The following BPTF variants were observed in gnomAD, a reference collection of about 807,000 sequenced individuals.
The protein encoded by BPTF is nucleosome-remodeling factor subunit BPTF.
BPTF carries 18 observed loss-of-function variants against 292.5 expected under a neutral mutation model. The ratio of observed to expected loss-of-function variants is 0.06; its 90% CI spans 0.04 to 0.09. BPTF has a LOEUF of 0.09. Ranked by LOEUF, BPTF falls within the 10% of genes least tolerant of loss-of-function variation. The pLI is 1.00. For missense variants in BPTF, 2,726 were observed against 3,498.7 expected, an observed-to-expected ratio of 0.78 and a Z score of 5.57; for synonymous variants, 1,225 against 1,251.9, an observed-to-expected ratio of 0.98 and a Z score of 0.45.
In BPTF at chr17:67,883,449, A is replaced by G. The variant is rs147659005; in HGVS notation, c.1865-8395A>G. 3.3e-3 allele frequency among the ~76,000 whole-genome samples: 473 copies of G among 143,372 alleles called. 4 individuals are homozygous for G. The highest frequency in any genetic ancestry group is 0.011 in the African/African-American group (442 of 40,738). The allele number at this position is 143,372 out of a possible 152,430, so 94.1% of individuals were successfully genotyped here. On this transcript the variant is annotated intron_variant, in intron 4 of 27. Transcript: ENST00000306378. Reference sequence around the variant, plus strand: ...TTTTTTGAAAATGTAGAGCATTTACATTATTATAAATTGAAAACTATGTAA... The same window carrying G: ...TTTTTTGAAAATGTAGAGCATTTACGTTATTATAAATTGAAAACTATGTAA...
chr17:67,856,600 T>A (rs2058706414), intron 2 of BPTF, among the ~76,000 whole-genome samples: 1 of 152,224 alleles, frequency 6.6e-6, no homozygotes, highest in Non-Finnish European at 1.5e-5. Context: ...ATTTTCATTG[T>A]CTTTTTTATT....
chr17:67,845,608 G>A (rs893864899), intron 1 of BPTF, among the ~76,000 whole-genome samples: 3 of 151,786 alleles, frequency 2.0e-5, no homozygotes, highest in Non-Finnish European at 2.9e-5. Context: ...ACCCCATCTC[G>A]ACAGAAAATT....
chr17:67,903,651 AAGTTTTGT>A (rs2061996814), intron 7 of BPTF, 130 bp from the exon 8 acceptor site: 1 of 688,234 alleles, frequency 1.5e-6, no homozygotes, highest in African/African-American at 1.9e-5. Context: ...AACTACAACT[AAGTTTTGT>A]CAGTTGGGGT....
intron 26 of BPTF, among the ~76,000 whole-genome samples, chr17:67,968,307 A>T (rs930870922): frequency 2.0e-5 from 3 of 151,472 alleles, no homozygotes; most frequent in African/African-American, 7.4e-5. Flanking sequence ...TCTGAAAAAT[A>T]AACGTAATGA....
chr17:67,904,452 T>A (rs928294487), intron 8 of BPTF, among the ~76,000 whole-genome samples: 3 of 152,264 alleles, frequency 2.0e-5, no homozygotes, highest in African/African-American at 7.2e-5. Context: ...TTGAAATTGT[T>A]ATAAAACTGT....
rs1383228553 is a variant in BPTF, at chr17:67,904,953, C to T, written c.2812+113C>T. The T allele has an allele frequency of 1.9e-5, 16 of 825,084 alleles. No individual in the cohort carries two copies. In the East Asian group the frequency reaches 2.1e-4, roughly 11 times the overall value. The allele number at this position is 825,084 out of a possible 1,614,324, so 51.1% of individuals were successfully genotyped here. On this transcript the variant is annotated intron_variant, in intron 9 of 27. Coordinates refer to ENST00000306378, the MANE Select transcript of BPTF (RefSeq NM_182641.4). Reference sequence around the variant, plus strand: ...AAAACATTTTTCTGAAATTTTTATTCGTACTGCAGAATTACTAGTTTAGTT... The same window carrying T: ...AAAACATTTTTCTGAAATTTTTATTTGTACTGCAGAATTACTAGTTTAGTT...
intron 7 of BPTF, 106 bp downstream of exon 7, chr17:67,894,271 T>C: frequency 4.2e-6 from 5 of 1,194,080 alleles, no homozygotes; most frequent in Admixed American, 2.3e-5. Context: ...TATTGAAGAC[T>C]TTACTTTTGG....
intron 4 of BPTF, among the ~76,000 whole-genome samples, chr17:67,875,918 C>T (rs535431399): frequency 2.0e-5 from 3 of 152,296 alleles, no homozygotes; most frequent in Non-Finnish European, 4.4e-5. Flanking sequence ...TAAATGTCCT[C>T]GCAGTTAGTG....
At chr17:67,944,852 A>G (rs2065673591) in intron 20 of BPTF, among the ~76,000 whole-genome samples, 1 of 152,106 alleles carries the variant, frequency 6.6e-6, no homozygotes, top group Non-Finnish European at 1.5e-5. Context: ...GACCCAGCTG[A>G]TTTCCAGAGG....
chr17:67,891,598 C>T lies in BPTF; in HGVS notation c.1865-246C>T, dbSNP rs147269227. On this transcript the variant is annotated intron_variant, in intron 4 of 27. Coordinates refer to ENST00000306378, the MANE Select transcript of BPTF (RefSeq NM_182641.4). Reference sequence around the variant, plus strand: ...GTTTTCAAACAGATGAGTTTTTAAACAGATAACCCAGCATGTTTCAATTTT... The same window carrying T: ...GTTTTCAAACAGATGAGTTTTTAAATAGATAACCCAGCATGTTTCAATTTT... 1.1e-3 allele frequency: 357 copies of T among 314,674 alleles called. 2 individuals are homozygous for T. Among genetic ancestry groups the T allele is most frequent in the African/African-American group, 7.0e-3 (328 of 46,814 alleles). 19.5% of individuals were successfully genotyped at this position (314,674 alleles called of 1,614,324 possible).
intron 2 of BPTF, among the ~76,000 whole-genome samples, chr17:67,859,852 A>G (rs1388818613): frequency 6.6e-6 from 1 of 152,236 alleles, no homozygotes; most frequent in Non-Finnish European, 1.5e-5. Flanking sequence ...ACGAAACAGC[A>G]TTCAGGGAAG....
At chr17:67,894,260 A>G (rs1394697090) in intron 7 of BPTF, 95 bp downstream of exon 7, 3 of 1,297,502 alleles carry the variant, frequency 2.3e-6, no homozygotes, top group Non-Finnish European at 2.1e-6. Flanking sequence ...TTAAGAGGCC[A>G]TATTGAAGAC....
chr17:67,924,641 T>A, intron 15 of BPTF, 52 bp downstream of exon 15: 1 of 1,584,964 alleles, frequency 6.3e-7, no homozygotes, highest in East Asian at 2.2e-5. Flanking sequence ...GGAGGCTCTT[T>A]CAAAACAAAA....
chr17:67,950,067 A>AAC (rs1555677805), intron 23 of BPTF, among the ~76,000 whole-genome samples: 1 of 149,336 alleles, frequency 6.7e-6, no homozygotes, highest in Non-Finnish European at 1.5e-5. Context: ...AAAAAAAAAA[A>AAC]AAAAACATTT....
At chr17:67,950,516 CA>C (rs2066252206) in intron 23 of BPTF, among the ~76,000 whole-genome samples, 1 of 151,876 alleles carries the variant, frequency 6.6e-6, no homozygotes, top group African/African-American at 2.4e-5. Flanking sequence ...ATTATTACAT[CA>C]AAACCCCAAG....
chr17:67,840,689 A>G (rs2057486156), intron 1 of BPTF, among the ~76,000 whole-genome samples: 1 of 151,932 alleles, frequency 6.6e-6, no homozygotes, highest in African/African-American at 2.4e-5. Flanking sequence ...CAGCCTCTGA[A>G]GTAGTTGGGA....
Position 67,898,197 on chromosome 17 carries a change from C to T in BPTF, c.2543+4032C>T, listed in dbSNP as rs190152853. ...CCAGCATGGCCAATGTGGTGAAACC[C>T]CATCTCTACTAAAAATTAGCCAGGC... On this transcript the variant is annotated intron_variant, in intron 7 of 27. Coordinates refer to ENST00000306378, the MANE Select transcript of BPTF (RefSeq NM_182641.4). Among the ~76,000 whole-genome samples the T allele has an allele frequency of 6.7e-4, 102 of 152,234 alleles. 1 individual carries two copies. The highest frequency in any genetic ancestry group is 2.3e-3 in the African/African-American group (94 of 41,546).
intron 1 of BPTF, among the ~76,000 whole-genome samples, chr17:67,846,755 C>T (rs2058057121): frequency 6.6e-6 from 1 of 152,070 alleles, no homozygotes; most frequent in African/African-American, 2.4e-5. Flanking sequence ...GGGTGGAGTG[C>T]GGTGGTACAG....
At chr17:67,964,969 A>C (rs2067918238) in intron 25 of BPTF, 4 of 141,572 alleles carry the variant, frequency 2.8e-5, no homozygotes, top group Admixed American at 2.2e-4. Context: ...ACTGCACTCC[A>C]ACCTGGGCGA....
Sources: allele counts gnomAD v4.1 joint callset (sites outside exome capture counted in the v4.1 genomes callset), GRCh38; gene constraint gnomAD v4.1.1; transcripts MANE v1.5; gene names NCBI Gene and HGNC (gene_info 2026-07-23, HGNC 2026-07-21).